Variants in PINX1 observed in about 807,000 individuals in gnomAD.
PINX1 encodes PIN2/TERF1-interacting telomerase inhibitor 1.
Under a neutral mutation model 25.4 loss-of-function variants are expected in PINX1, and 34 were observed. The ratio of observed to expected loss-of-function variants is 1.34; its 90% confidence interval spans 1.02 to 1.78. PINX1 has a LOEUF of 1.78. Among genes scored for constraint, PINX1 ranks in the 40% most tolerant of loss-of-function variants. PINX1 has a pLI of 0.00. For missense variants in PINX1, 592 were observed against 404.9 expected (o/e 1.46, Z -3.97); for synonymous variants, 197 against 147.7 (o/e 1.33, Z -2.42).
chr8:10,772,747 T>C (rs757081496), intron 6 of PINX1, among the ~76,000 whole-genome samples: 2 of 152,082 alleles, frequency 1.3e-5, no homozygotes. Context: ...AAAGATACAA[T>C]AACAGAATGA....
At chr8:10,782,117 G>A (rs1298506684) in intron 6 of PINX1, among the ~76,000 whole-genome samples, 1 of 152,180 alleles carries the variant, frequency 6.6e-6, no homozygotes, top group African/African-American at 2.4e-5. Context: ...TGATCTCACT[G>A]ATAAGATGGA....
chr8:10,785,116 T>C, intron 6 of PINX1, among the ~76,000 whole-genome samples: 1 of 152,228 alleles, frequency 6.6e-6, no homozygotes, highest in East Asian at 1.9e-4. Flanking sequence ...TTTAAGCTAG[T>C]TCAAGATTGT....
chr8:10,773,896 C>A (rs922749013), intron 6 of PINX1, among the ~76,000 whole-genome samples: 1 of 152,216 alleles, frequency 6.6e-6, no homozygotes, highest in East Asian at 1.9e-4. Flanking sequence ...ACAAACTTTC[C>A]CGACACACTG....
rs1438360884 is a variant in PINX1, at chr8:10,839,637, C to T, written c.19+101G>A. 8.9e-6 allele frequency: 11 copies of T among 1,230,154 alleles called. No homozygotes were observed. The Admixed American group carries it at 2.0e-4, about 23-fold the overall frequency. The allele number at this position is 1,230,154 out of a possible 1,614,324, so 76.2% of individuals were successfully genotyped here. ...CGGTCCCCCGATCCCATGCGCCAGG[C>T]GCGCCGGCAACCCGAGCTCCCAGCC... On this transcript the variant is annotated intron_variant, in intron 1 of 6. Transcript: ENST00000314787.
chr8:10,829,380 G>A (rs968076573), intron 4 of PINX1, among the ~76,000 whole-genome samples: 2 of 151,858 alleles, frequency 1.3e-5, no homozygotes, highest in African/African-American at 4.8e-5. Flanking sequence ...CCTTAATCGT[G>A]GTTTATGGCT....
chr8:10,834,817 C>A, intron 1 of PINX1, 42 bp from the exon 2 acceptor site: 2 of 1,392,054 alleles, frequency 1.4e-6, no homozygotes, highest in Non-Finnish European at 2.0e-6. Context: ...GGAGATGATA[C>A]CCGGAAAATA....
Position 10,811,140 on chromosome 8 carries a change from T to C in PINX1, c.471+9053A>G, listed in dbSNP as rs1797508774. On this transcript the variant is annotated intron_variant, in intron 6 of 6. Transcript: ENST00000314787. ...GAGTTCTTCATGGCTTATTATTTAA[T>C]CCTCCCTGGATCTTTTATTATCCCC... Among the ~76,000 whole-genome samples, 2 of 152,226 alleles carry C rather than the reference T, an allele frequency of 1.3e-5. 1 individual carries two copies. Among genetic ancestry groups the C allele is most frequent in the Non-Finnish European group, 2.9e-5 (2 of 68,042 alleles).
intron 5 of PINX1, among the ~76,000 whole-genome samples, chr8:10,823,984 C>T (rs1797956619): frequency 6.6e-6 from 1 of 152,198 alleles, no homozygotes; most frequent in South Asian, 2.1e-4. Context: ...CTGGACGATA[C>T]ATGAGTTGCA....
intron 6 of PINX1, among the ~76,000 whole-genome samples, chr8:10,802,077 C>T (rs1409118508): frequency 1.3e-5 from 2 of 151,982 alleles, no homozygotes; most frequent in African/African-American, 4.8e-5. Flanking sequence ...AGCAAAGGGC[C>T]CAAATGATTC....
chr8:10,820,139 G>T, intron 6 of PINX1, 54 bp downstream of exon 6: 1 of 1,130,014 alleles, frequency 8.8e-7, no homozygotes, highest in South Asian at 1.3e-5. Flanking sequence ...CTATACACAG[G>T]TGAAAATCAG....
At chr8:10,780,278 T>C (rs969678662) in intron 6 of PINX1, among the ~76,000 whole-genome samples, 8 of 152,200 alleles carry the variant, frequency 5.3e-5, no homozygotes, top group African/African-American at 1.9e-4. Context: ...AGAATGGACA[T>C]CCCTGTCTTG....
chr8:10,800,314 T>C (rs1347707804), intron 6 of PINX1, among the ~76,000 whole-genome samples: 1 of 152,176 alleles, frequency 6.6e-6, no homozygotes, highest in Non-Finnish European at 1.5e-5. Context: ...ACTGATGCAA[T>C]CAGATGTTAC....
At position 10,832,673 on chromosome 8, in the gene PINX1, T is replaced by A. The variant is rs149435790; in HGVS notation, c.222+219A>T. ...AACAAAACTTTTCAGTTTAGATCCT[T>A]TCCAAAAGGGAACAATGATACTAAA... On this transcript the variant is annotated intron_variant, in intron 3 of 6. Transcript: ENST00000314787. Among the ~76,000 whole-genome samples the A allele has an allele frequency of 7.2e-3, 1,103 of 152,320 alleles. 15 individuals are homozygous for A. The highest frequency in any genetic ancestry group is 0.025 in the African/African-American group (1,037 of 41,568).
At chr8:10,770,995 C>G (rs1344020756) in intron 6 of PINX1, among the ~76,000 whole-genome samples, 1 of 152,168 alleles carries the variant, frequency 6.6e-6, no homozygotes, top group Non-Finnish European at 1.5e-5. Flanking sequence ...GGGTTGTGAG[C>G]CCTGATGGCT....
intron 6 of PINX1, 86 bp downstream of exon 6, chr8:10,820,107 C>A: frequency 3.6e-6 from 3 of 841,474 alleles, no homozygotes; most frequent in East Asian, 2.5e-5. Context: ...CAGAAAAGTA[C>A]TAGTCATAGA....
rs897404154 is a variant in PINX1, at chr8:10,826,085, AAT to A, written c.394+65_394+66del. 12 of 842,586 alleles carry A rather than the reference AAT, an allele frequency of 1.4e-5. No homozygotes were observed. In the Admixed American group the frequency reaches 3.1e-4, roughly 22 times the overall value. 52.2% of individuals were successfully genotyped at this position (842,586 alleles called of 1,614,324 possible). A position where few individuals can be genotyped will look rare whatever the true frequency, so the allele number is the denominator to read the frequency against. ...GAAGTCGCTATTGGCCCAGAGCTAA[AAT>A]GCTTCAAGCAACTCAGGACAAACAC... On this transcript the variant is annotated intron_variant, in intron 5 of 6. Coordinates refer to ENST00000314787, the MANE Select transcript of PINX1 (RefSeq NM_017884.6).
chr8:10,786,455 G>C (rs1367391795), intron 6 of PINX1, among the ~76,000 whole-genome samples: 1 of 152,202 alleles, frequency 6.6e-6, no homozygotes, highest in Non-Finnish European at 1.5e-5. Context: ...AGCCAAGACA[G>C]TGTGAGCAGA....
rs112004155 is a variant in PINX1, at chr8:10,825,395, C to T, written c.394+757G>A. The T allele has an allele frequency of 4.4e-3, 2,336 of 534,732 alleles. 48 individuals carry two copies. The highest frequency in any genetic ancestry group is 0.041 in the African/African-American group (2,141 of 52,034). The allele number at this position is 534,732 out of a possible 1,614,324, so 33.1% of individuals were successfully genotyped here. On this transcript the variant is annotated intron_variant, in intron 5 of 6. Transcript: ENST00000314787. ...TATTACAGCATCAGCAGCATCATCA[C>T]GCTTCTTATGTAAACTATGTAATAA...
chr8:10,826,266 T>C, intron 4 of PINX1, 22 bp from the exon 5 acceptor site: 1 of 1,309,310 alleles, frequency 7.6e-7, no homozygotes, highest in Non-Finnish European at 1.1e-6. Context: ...ATGAAAAAAA[T>C]ACATTAAAGT....
Sources: gnomAD v4.1 joint callset for allele counts (sites outside exome capture counted in the v4.1 genomes callset) on GRCh38, gnomAD v4.1.1 for gene constraint, MANE v1.5 for transcripts, NCBI Gene and HGNC (gene_info 2026-07-23, HGNC 2026-07-21) for gene names.